Variants in PRAMEF11 observed in about 807,000 individuals in gnomAD.
PRAMEF11 encodes the protein PRAME family member 11.
PRAMEF11 carries 17 observed loss-of-function variants against 33.6 expected under a neutral mutation model. The observed-to-expected ratio is 0.51, with a 90% CI of 0.35 to 0.76. The LOEUF (loss-of-function observed/expected upper bound fraction) is 0.76. PRAMEF11 is among the 30% of genes least tolerant of loss of function. The pLI is 0.01. For synonymous variants in PRAMEF11, 205 were observed against 227.3 expected (o/e 0.90, Z 0.88); for missense variants, 568 against 567.0 (o/e 1.00, Z -0.02).
At position 12,827,088 on chromosome 1, in the gene PRAMEF11, A is replaced by T. The variant is rs1348663105; in HGVS notation, c.875+161T>A. Among the ~76,000 whole-genome samples, 3 of 151,344 alleles carry T rather than the reference A, an allele frequency of 2.0e-5. No individual in the cohort carries two copies. In the East Asian group the frequency reaches 5.9e-4, roughly 30 times the overall value. On this transcript the variant is annotated intron_variant, in intron 3 of 3. Coordinates refer to ENST00000619922, the MANE Select transcript of PRAMEF11 (RefSeq NM_001146344.3). ...GACTCTATTGGGAGGGTTGCATGAT[A>T]CCCATTTCAGGACAGGGCCGCCAAC...
Position 12,828,773 on chromosome 1 carries a change from C to T in PRAMEF11, c.17G>A (p.Arg6Gln), listed in dbSNP as rs767518820. The T allele has an allele frequency of 5.7e-5, 91 of 1,609,518 alleles. 3 individuals are homozygous for T. The highest frequency in any genetic ancestry group is 1.4e-4 in the South Asian group (13 of 90,500). The stretch of plus-strand genomic sequence containing the variant: ...AAGCTCCAGGAGTCTGGGTGGAATC[C>T]GGATGCTCATCTTCATGAATCTGCA... Reference protein sequence around the residue: MKMSIRIPPRLLELAG... With the variant: MKMSIQIPPRLLELAG... The change falls in exon 2 of 4, where the codon CGG becomes CAG. Residue 6 changes from arginine to glutamine, a missense_variant. Coordinates refer to ENST00000619922, the MANE Select transcript of PRAMEF11 (RefSeq NM_001146344.3).
In PRAMEF11 at chr1:12,828,704, G is replaced by A. The variant is rs758413317; in HGVS notation, c.86C>T (p.Thr29Ile). 3 of 1,610,454 alleles carry A rather than the reference G, an allele frequency of 1.9e-6. No individual in the cohort carries two copies. In the South Asian group the frequency reaches 3.3e-5, roughly 18 times the overall value. The part of the protein sequence containing the change: ...LLRDQALAVS[T>I]LEELPTELFP... ...AAGTTCCGTGGGCAGCTCCTCCAGG[G>A]TGGAGACGGCCAAGGCTTGGTCCCT... is the stretch of plus-strand genomic sequence containing the variant. Residue 29 changes from threonine to isoleucine, a missense_variant, in exon 2 of 4, where the codon ACC becomes ATC. Around this residue, in one of 3 missense-constraint regions of PRAMEF11, gnomAD observed 342 missense variants for 312.0 expected, o/e 1.10. Transcript: ENST00000619922.
At position 12,826,579 on chromosome 1, in the gene PRAMEF11, T is replaced by C. The variant is rs984262554; in HGVS notation, c.875+670A>G. Among the ~76,000 whole-genome samples, 28 of 151,122 alleles carry C rather than the reference T, an allele frequency of 1.9e-4. 1 individual carries two copies. Among genetic ancestry groups the C allele is most frequent in the Admixed American group, 9.9e-4 (15 of 15,088 alleles). The stretch of plus-strand genomic sequence containing the variant: ...GGGTTGGAGAATAACCTGGCCAAAA[T>C]GGTGAAAACCTGTCTCTACTTAAAA... On this transcript the variant is annotated intron_variant, in intron 3 of 3. Coordinates refer to ENST00000619922, the MANE Select transcript of PRAMEF11 (RefSeq NM_001146344.3).
At position 12,831,015 on chromosome 1, in the gene PRAMEF11, C is replaced by G. The variant is rs1404525279; in HGVS notation, c.-17+341G>C. On this transcript the variant is annotated intron_variant, in intron 1 of 3. Coordinates refer to ENST00000619922, the MANE Select transcript of PRAMEF11 (RefSeq NM_001146344.3). ...CCCCACCCTCAAAAAAAAAAAAAAACGTTGTGTAGAGGAGGGCTTTTGTCA... is the reference window on the plus strand; with the variant it reads ...CCCCACCCTCAAAAAAAAAAAAAAAGGTTGTGTAGAGGAGGGCTTTTGTCA... Among the ~76,000 whole-genome samples the G allele has an allele frequency of 2.9e-5, 4 of 137,966 alleles. No homozygotes were observed. The South Asian group carries it at 9.6e-4, about 33-fold the overall frequency. 90.5% of individuals were successfully genotyped at this position (137,966 alleles called of 152,430 possible). A position where few individuals can be genotyped will look rare whatever the true frequency, so the allele number is the denominator to read the frequency against.
chr1:12,830,054 T>C (rs1244117562), intron 1 of PRAMEF11, among the ~76,000 whole-genome samples: 1 of 151,388 alleles, frequency 6.6e-6, no homozygotes, highest in East Asian at 2.0e-4. Context: ...ACATGGAGTT[T>C]TACTAATATG....
intron 1 of PRAMEF11, among the ~76,000 whole-genome samples, chr1:12,830,761 G>C (rs1639988317): frequency 6.6e-6 from 1 of 150,518 alleles, no homozygotes; most frequent in Admixed American, 6.7e-5. Flanking sequence ...GGCCAAGGCA[G>C]GTGGATCACT....
At position 12,827,678 on chromosome 1, in the gene PRAMEF11, A is replaced by C; in HGVS notation, c.446T>G (p.Leu149Trp). 3 of 1,609,764 alleles carry C rather than the reference A, an allele frequency of 1.9e-6. No homozygotes were observed. Among genetic ancestry groups the C allele is most frequent in the Non-Finnish European group, 2.5e-6 (3 of 1,177,766 alleles). Residue 149 changes from leucine (L) to tryptophan (W), a missense_variant, in exon 3 of 4, where the codon TTG (leucine) becomes TGG (tryptophan). This residue lies in a region of PRAMEF11 where 342 missense variants were observed against 312.0 expected (regional missense o/e 1.10). Transcript: ENST00000619922. ...DCPRMRGRQPLTVFVELWLKN... is the reference protein window; with the variant it reads ...DCPRMRGRQPWTVFVELWLKN... Reference sequence around the variant, plus strand: ...GAGCCAAAGTTCTACAAACACAGTCAAGGGCTGCCGTCCTCTCATCCTTGG... The same window carrying C: ...GAGCCAAAGTTCTACAAACACAGTCCAGGGCTGCCGTCCTCTCATCCTTGG...
intron 3 of PRAMEF11, among the ~76,000 whole-genome samples, chr1:12,825,708 T>C (rs2100338367): frequency 6.8e-6 from 1 of 147,096 alleles, no homozygotes; most frequent in South Asian, 2.3e-4. Flanking sequence ...GCCCAGTAAC[T>C]CACACCTGTA....
Position 12,827,474 on chromosome 1 carries a change from T to G in PRAMEF11, c.650A>C (p.Lys217Thr). Residue 217 changes from lysine (K) to threonine (T), a missense_variant, in exon 3 of 4, where the codon AAG (lysine) becomes ACG (threonine). By Grantham distance (78) the Lys-to-Thr change is moderately conservative. Transcript: ENST00000619922. ...CTGTGTCAGGATGGGCAGTATCCAC[T>G]TGCAATTCACTTCCACCTCCTGGAT... ...DCIQEVEVNC[K>T]WILPILTQFT... 1.9e-6 allele frequency: 3 copies of G among 1,611,176 alleles called. No homozygotes were observed. Among genetic ancestry groups the G allele is most frequent in the Non-Finnish European group, 2.5e-6 (3 of 1,179,314 alleles).
chr1:12,827,405 A>C lies in PRAMEF11; in HGVS notation c.719T>G (p.Val240Gly). ...LGHLRNLQKL[V>G]LSHMDVSRYV... ...GCGAGAGACATCCATGTGGGAGAGA[A>C]CGAGCTTCTGAAGATTCCTCAAGTG... The change falls in exon 3 of 4, where the codon GTT becomes GGT. Residue 240 changes from valine to glycine, a missense_variant. Val to Gly is a moderately radical substitution (Grantham distance 109). Around this residue, in one of 3 missense-constraint regions of PRAMEF11, gnomAD observed 342 missense variants for 312.0 expected, o/e 1.10. Coordinates refer to ENST00000619922, the MANE Select transcript of PRAMEF11 (RefSeq NM_001146344.3). 1 of 1,606,072 alleles carries C rather than the reference A, an allele frequency of 6.2e-7. No individual in the cohort carries two copies. The highest frequency in any genetic ancestry group is 1.1e-5 in the South Asian group (1 of 90,674).
At chr1:12,829,741 T>G (rs529636450) in intron 1 of PRAMEF11, among the ~76,000 whole-genome samples, 1 of 151,006 alleles carries the variant, frequency 6.6e-6, no homozygotes, top group Admixed American at 6.6e-5. Context: ...GATGCAGTGG[T>G]CTCCGCCTGT....
rs753896655 is a variant in PRAMEF11 at position 12,827,286 on chromosome 1, C to G, written c.838G>C (p.Val280Leu). ...TCCAGGTGGCCTTCGAGGAAAGAAA[C>G]AGAGTTCATATAAAGCTTTTGGAGG... ...RCLQKLYMNS[V>L]SFLEGHLDQL... The change falls in exon 3 of 4, where the codon GTT (valine) becomes CTT (leucine). Residue 280 changes from valine to leucine, a missense_variant. Physicochemically the swap from Val to Leu is conservative, Grantham distance 32 (BLOSUM62 1). Coordinates refer to ENST00000619922, the MANE Select transcript of PRAMEF11 (RefSeq NM_001146344.3). 2.5e-6 allele frequency: 4 copies of G among 1,597,784 alleles called. No individual in the cohort carries two copies. The highest frequency in any genetic ancestry group is 4.5e-5 in the East Asian group (2 of 44,658).
Position 12,828,638 on chromosome 1 carries a change from C to A in PRAMEF11, c.152G>T (p.Cys51Phe), listed in dbSNP as rs527949533. The stretch of plus-strand genomic sequence containing the variant: ...CTGCACCATCAGCTTCAGGGCCTCA[C>A]AGCGTCTCCTGCTGAAGGCCTCCAT... ...LFMEAFSRRR[C>F]EALKLMVQAW... is the part of the protein sequence containing the mutation. Residue 51 changes from cysteine to phenylalanine, a missense_variant, in exon 2 of 4, where the codon TGT becomes TTT. This residue lies in a region of PRAMEF11 where 342 missense variants were observed against 312.0 expected (regional missense o/e 1.10). Coordinates refer to ENST00000619922, the MANE Select transcript of PRAMEF11 (RefSeq NM_001146344.3). The A allele has an allele frequency of 6.2e-7, 1 of 1,602,344 alleles. No individual in the cohort carries two copies. The highest frequency in any genetic ancestry group is 1.7e-5 in the Admixed American group (1 of 58,904).
rs1349621901 is a variant in PRAMEF11, at chr1:12,827,584, T to C, written c.540A>G (p.Leu180=). The change falls in exon 3 of 4, where the codon CTA becomes CTG. Residue 180 remains leucine (L), a synonymous_variant. Transcript: ENST00000619922. ...LLWVKQRRDL[L]HLCCKKLKIL... ...TTTTCAGCTTCTTACAGCACAGGTGTAGTAAATCTCTCCTCTGCTTGACCC... is the reference window on the plus strand; with the variant it reads ...TTTTCAGCTTCTTACAGCACAGGTGCAGTAAATCTCTCCTCTGCTTGACCC... The C allele has an allele frequency of 2.5e-6, 4 of 1,609,438 alleles. 1 individual carries two copies. Among genetic ancestry groups the C allele is most frequent in the South Asian group, 2.2e-5 (2 of 90,438 alleles).
rs1343593940 is a variant in PRAMEF11 at position 12,828,928 on chromosome 1, T to A, written c.-16-123A>T. Reference sequence around the variant, plus strand: ...TGAAACAGCCCTCAGTTTACTCCAATTCTACTCTGTACTCAGTGGCCATTA... The same window carrying A: ...TGAAACAGCCCTCAGTTTACTCCAAATCTACTCTGTACTCAGTGGCCATTA... On this transcript the variant is annotated intron_variant, in intron 1 of 3. Coordinates refer to ENST00000619922, the MANE Select transcript of PRAMEF11 (RefSeq NM_001146344.3). The A allele has an allele frequency of 1.6e-5, 22 of 1,391,118 alleles. 1 individual carries two copies. Among genetic ancestry groups the A allele is most frequent in the Non-Finnish European group, 2.2e-5 (22 of 1,003,604 alleles). 86.2% of individuals were successfully genotyped at this position (1,391,118 alleles called of 1,614,324 possible).
At chr1:12,829,580 T>G (rs1272805298) in intron 1 of PRAMEF11, among the ~76,000 whole-genome samples, 1 of 151,336 alleles carries the variant, frequency 6.6e-6, no homozygotes, top group Non-Finnish European at 1.5e-5. Flanking sequence ...TTTTATTTTT[T>G]GACTTTTTGT....
In PRAMEF11 at chr1:12,824,804, C is replaced by T. The variant is rs1414787746; in HGVS notation, c.*138G>A. 11 of 1,377,756 alleles carry T rather than the reference C, an allele frequency of 8.0e-6. No individual in the cohort carries two copies. Among genetic ancestry groups the T allele is most frequent in the Non-Finnish European group, 9.9e-6 (10 of 1,005,446 alleles). 85.3% of individuals were successfully genotyped at this position (1,377,756 alleles called of 1,614,324 possible). ...CCAAGTCCTGCCCCTGCTTGATCAG[C>T]TTTCCTTTCCCACTTTCAGAGCCCA... On this transcript the variant is annotated 3_prime_UTR_variant, in exon 4 of 4. Coordinates refer to ENST00000619922, the MANE Select transcript of PRAMEF11 (RefSeq NM_001146344.3).
At chr1:12,826,904 G>T (rs1206266219) in intron 3 of PRAMEF11, among the ~76,000 whole-genome samples, 1 of 151,294 alleles carries the variant, frequency 6.6e-6, no homozygotes, top group East Asian at 2.0e-4. Context: ...AGGATTACAG[G>T]CATGAGCCAA....
intron 1 of PRAMEF11, among the ~76,000 whole-genome samples, chr1:12,829,210 A>T (rs1639954014): frequency 6.6e-6 from 1 of 151,356 alleles, no homozygotes; most frequent in South Asian, 2.1e-4. Context: ...GGGAACATTC[A>T]TGGGGCATCC....
Sources: allele counts gnomAD v4.1 joint callset (sites outside exome capture counted in the v4.1 genomes callset), GRCh38; gene constraint gnomAD v4.1.1; regional missense constraint gnomAD v4.1.1; transcripts MANE v1.5; gene names NCBI Gene and HGNC (gene_info 2026-07-23, HGNC 2026-07-21).